VPS50: variants seen among roughly 807,000 people sequenced by gnomAD.
VPS50 encodes VPS50 subunit of EARP/GARPII complex, also known as syndetin.
In VPS50, 70 loss-of-function variants were observed where a neutral mutation model predicts 139.7. The observed-to-expected ratio is 0.50, with a 90% CI of 0.41 to 0.61. The LOEUF is 0.61. Among genes scored for constraint, VPS50 ranks in the 20% least tolerant of loss-of-function variants. The probability of loss-of-function intolerance (pLI) is 0.00; values close to 1 mark genes in which losing one functional copy is unlikely to be tolerated. For missense variants in VPS50, 921 were observed against 1,133.7 expected (o/e 0.81, Z 2.69); for synonymous variants, 365 against 376.7 (o/e 0.97, Z 0.36).
At chr7:93,251,851 GTCTAT>G (rs1362741344) in intron 2 of VPS50, among the ~76,000 whole-genome samples, 1 of 152,144 alleles carries the variant, frequency 6.6e-6, no homozygotes, top group African/African-American at 2.4e-5. Context: ...CTTGTGATAT[GTCTAT>G]AATGTCTTGA....
chr7:93,358,003 A>G (rs1458774545), intron 27 of VPS50, among the ~76,000 whole-genome samples: 4 of 152,158 alleles, frequency 2.6e-5, no homozygotes, highest in Non-Finnish European at 5.9e-5. Context: ...AACAAAGACT[A>G]TTACAGAAAC....
intron 21 of VPS50, among the ~76,000 whole-genome samples, chr7:93,332,448 A>G (rs1797966220): frequency 6.6e-6 from 1 of 152,228 alleles, no homozygotes; most frequent in South Asian, 2.1e-4. Context: ...GTCAACATGC[A>G]TTTTGAGGGA....
Position 93,264,607 on chromosome 7 carries a change from A to T in VPS50, c.659+4975A>T, listed in dbSNP as rs1306633923. On this transcript the variant is annotated intron_variant, in intron 9 of 27. Coordinates refer to ENST00000305866, the MANE Select transcript of VPS50 (RefSeq NM_017667.4). ...TTAAATGTCTCATAATCTTTCAAGA[A>T]TTCCTTCATTTTTTCTCAGAATATG... Among the ~76,000 whole-genome samples, 3 of 152,298 alleles carry T rather than the reference A, an allele frequency of 2.0e-5. No homozygotes were observed. The East Asian group carries it at 5.8e-4, about 29-fold the overall frequency.
chr7:93,328,187 G>A (rs1322005689), intron 21 of VPS50, among the ~76,000 whole-genome samples: 1 of 151,984 alleles, frequency 6.6e-6, no homozygotes, highest in Non-Finnish European at 1.5e-5. Context: ...GCTTTCCATT[G>A]TTCACCTCTT....
intron 23 of VPS50, among the ~76,000 whole-genome samples, chr7:93,346,072 C>G (rs981791959): frequency 2.6e-5 from 4 of 152,140 alleles, no homozygotes; most frequent in Non-Finnish European, 4.4e-5. Flanking sequence ...TGTATATCTA[C>G]AAAACCCCAT....
At chr7:93,283,703 T>C (rs960696183) in intron 12 of VPS50, among the ~76,000 whole-genome samples, 5 of 152,152 alleles carry the variant, frequency 3.3e-5, no homozygotes, top group Non-Finnish European at 7.4e-5. Flanking sequence ...GGAGTCAAAA[T>C]ATCTCTTTAA....
At chr7:93,330,761 C>CAA (rs57338525) in intron 21 of VPS50, among the ~76,000 whole-genome samples, 20,612 of 82,184 alleles carry the variant, frequency 0.25, 4,839 homozygotes, top group African/African-American at 0.64. Context: ...GACCCTGTCT[C>CAA]AAAAAAAAAA....
chr7:93,336,891 G>C (rs550155986), intron 22 of VPS50, among the ~76,000 whole-genome samples: 2 of 152,288 alleles, frequency 1.3e-5, no homozygotes, highest in Admixed American at 1.3e-4. Flanking sequence ...AATTCTCTTT[G>C]TAGTAGTACA....
chr7:93,303,750 C>G (rs1212020222), intron 17 of VPS50, among the ~76,000 whole-genome samples, 200 bp downstream of exon 17: 1 of 151,740 alleles, frequency 6.6e-6, no homozygotes, highest in East Asian at 1.9e-4. Context: ...AAAAATCAGT[C>G]TTACAAAATT....
At chr7:93,344,970 A>G (rs1281440185) in intron 23 of VPS50, among the ~76,000 whole-genome samples, 3 of 152,190 alleles carry the variant, frequency 2.0e-5, no homozygotes, top group Non-Finnish European at 4.4e-5. Flanking sequence ...GCAAGAAATA[A>G]CTAAAATCAG....
intron 12 of VPS50, among the ~76,000 whole-genome samples, chr7:93,281,920 T>C (rs1262169477): frequency 1.3e-5 from 2 of 152,124 alleles, no homozygotes; most frequent in Non-Finnish European, 2.9e-5. Flanking sequence ...AAACAATTTT[T>C]CCGGCTGGGC....
At chr7:93,313,070 C>T (rs1797318506) in intron 20 of VPS50, among the ~76,000 whole-genome samples, 1 of 152,214 alleles carries the variant, frequency 6.6e-6, no homozygotes, top group Non-Finnish European at 1.5e-5. Context: ...TGTGTCTCTT[C>T]ATTCTAAGAT....
chr7:93,302,665 T>A (rs1797010661), intron 16 of VPS50, among the ~76,000 whole-genome samples: 1 of 152,084 alleles, frequency 6.6e-6, no homozygotes, highest in Non-Finnish European at 1.5e-5. Context: ...CGGATTCATG[T>A]ATTTATTGTC....
chr7:93,346,466 A>G (rs1353912601), intron 23 of VPS50, among the ~76,000 whole-genome samples: 1 of 152,230 alleles, frequency 6.6e-6, no homozygotes, highest in Non-Finnish European at 1.5e-5. Flanking sequence ...CAGAATTGGA[A>G]AAAGCTACTT....
intron 9 of VPS50, among the ~76,000 whole-genome samples, chr7:93,269,065 A>G (rs1795928387): frequency 6.6e-6 from 1 of 152,078 alleles, no homozygotes; most frequent in African/African-American, 2.4e-5. Context: ...GAGACAGAGA[A>G]CATGGGAGAA....
At chr7:93,260,567 G>A (rs1348039201) in intron 9 of VPS50, among the ~76,000 whole-genome samples, 1 of 151,050 alleles carries the variant, frequency 6.6e-6, no homozygotes, top group East Asian at 1.9e-4. Context: ...CATATTACAA[G>A]TCTTTGCTGG....
chr7:93,335,402 T>A (rs1798044206), intron 22 of VPS50, among the ~76,000 whole-genome samples: 1 of 152,174 alleles, frequency 6.6e-6, no homozygotes, highest in South Asian at 2.1e-4. Context: ...ATCACTTACC[T>A]TGGCACATAA....
Position 93,331,789 on chromosome 7 carries a change from G to A in VPS50, c.1978-2328G>A, listed in dbSNP as rs1797949193. Among the ~76,000 whole-genome samples, 3 of 152,138 alleles carry A rather than the reference G, an allele frequency of 2.0e-5. No homozygotes were observed. In the South Asian group the frequency reaches 6.2e-4, roughly 32 times the overall value. On this transcript the variant is annotated intron_variant, in intron 21 of 27. Transcript: ENST00000305866. ...GCTAAAGAGGTAGAAATACGAAAAG[G>A]CAAGTCAGACCAGGAGAAAATTTTG...
intron 10 of VPS50, 71 bp downstream of exon 10, chr7:93,271,333 A>G: frequency 3.5e-6 from 5 of 1,443,786 alleles, no homozygotes; most frequent in South Asian, 3.4e-5. Flanking sequence ...TAGGTGCAAC[A>G]TTGTGTTTTG....
Sources: gnomAD v4.1 joint callset for allele counts (sites outside exome capture counted in the v4.1 genomes callset) on GRCh38, gnomAD v4.1.1 for gene constraint, MANE v1.5 for transcripts, NCBI Gene and HGNC (gene_info 2026-07-23, HGNC 2026-07-21) for gene names.